Variants in TNFRSF8 observed in about 807,000 individuals in gnomAD.
TNFRSF8 encodes the protein tumor necrosis factor receptor superfamily member 8.
Under a neutral mutation model 70.8 loss-of-function variants are expected in TNFRSF8, and 26 were observed. The ratio of observed to expected loss-of-function variants is 0.37; its 90% CI spans 0.27 to 0.51. The LOEUF (loss-of-function observed/expected upper bound fraction) is 0.51. Among genes scored for constraint, TNFRSF8 ranks in the 20% least tolerant of loss-of-function variants. TNFRSF8 has a pLI of 0.94. For missense variants in TNFRSF8, 720 were observed against 807.9 expected, an observed-to-expected ratio of 0.89 and a Z score of 1.32; for synonymous variants, 356 against 339.2, an observed-to-expected ratio of 1.05 and a Z score of -0.54.
chr1:12,138,542 G>A lies in TNFRSF8; in HGVS notation c.1543+106G>A. 4 of 1,145,020 alleles carry A rather than the reference G, an allele frequency of 3.5e-6. No homozygotes were observed. Among genetic ancestry groups the A allele is most frequent in the Non-Finnish European group, 3.7e-6 (3 of 820,418 alleles). The allele number at this position is 1,145,020 out of a possible 1,614,324, so 70.9% of individuals were successfully genotyped here. A position where few individuals can be genotyped will look rare whatever the true frequency, so the allele number is the denominator to read the frequency against. ...GACCTGGAGACCCTGGAGTTGAAAG[G>A]CCCAGGAAAGGAGAGGCATAGATTC... On this transcript the variant is annotated intron_variant, in intron 14 of 14. Transcript: ENST00000263932. The surrounding 1 kb of genome is among the most constrained non-coding windows in gnomAD (Gnocchi z 5.7).
chr1:12,113,637 C>CA lies in TNFRSF8; in HGVS notation c.793+1624dup, dbSNP rs1641672853. ...AGACAGAAAGAGGGAGAGAGAGAGA[C>CA]AGAAAGAGAAAGAGACGGAGTGAGC... On this transcript the variant is annotated intron_variant, in intron 7 of 14. Transcript: ENST00000263932. The surrounding 1 kb of genome is among the most constrained non-coding windows in gnomAD (Gnocchi z 4.9). 6.8e-6 allele frequency among the ~76,000 whole-genome samples: 1 copy of CA among 147,910 alleles called. No homozygotes were observed. The highest frequency in any genetic ancestry group is 2.5e-5 in the African/African-American group (1 of 39,776).
At chr1:12,074,156 G>A (rs113399944) in intron 1 of TNFRSF8, among the ~76,000 whole-genome samples, 138 of 151,942 alleles carry the variant, frequency 9.1e-4, no homozygotes, top group African/African-American at 3.1e-3. Flanking sequence ...GACTCAAGGC[G>A]TGATCTTGCT....
chr1:12,118,861 T>C (rs1334407192), intron 8 of TNFRSF8, among the ~76,000 whole-genome samples: 1 of 152,026 alleles, frequency 6.6e-6, no homozygotes, highest in Non-Finnish European at 1.5e-5. Context: ...TTTGTTTGTT[T>C]GTTTGTTTCT....
In TNFRSF8 at chr1:12,143,671, G is replaced by T. The variant is rs772731732; in HGVS notation, c.*1140G>T. 2 of 152,286 alleles carry T rather than the reference G, an allele frequency of 1.3e-5. No individual in the cohort carries two copies. The highest frequency in any genetic ancestry group is 4.8e-5 in the African/African-American group (2 of 41,438). 9.4% of individuals were successfully genotyped at this position (152,286 alleles called of 1,614,324 possible). On this transcript the variant is annotated 3_prime_UTR_variant, in exon 15 of 15. Transcript: ENST00000263932. The surrounding 1 kb of genome is among the most constrained non-coding windows in gnomAD (Gnocchi z 4.1). ...TGGGTTTTTCACATTTCACGCTAAG[G>T]AGTAGTGGCCCTGACTTCCGGTCGG...
intron 8 of TNFRSF8, among the ~76,000 whole-genome samples, chr1:12,121,377 G>T (rs147569754): frequency 6.6e-6 from 1 of 152,350 alleles, no homozygotes; most frequent in East Asian, 1.9e-4. Flanking sequence ...GTGGGTATGT[G>T]TGTGGGGTTG....
rs952569541 is a variant in TNFRSF8, at chr1:12,108,145, C to T, written c.422-1421C>T. On this transcript the variant is annotated intron_variant, in intron 4 of 14. Transcript: ENST00000263932. The surrounding 1 kb of genome is among the most constrained non-coding windows in gnomAD (Gnocchi z 4.0). ...CCAGACTAGAGTGCAATGGTGTGAT[C>T]TCAGCTCACTGCAACCTCTGCCTCC... Among the ~76,000 whole-genome samples the T allele has an allele frequency of 4.7e-5, 7 of 150,218 alleles. No individual in the cohort carries two copies. The highest frequency in any genetic ancestry group is 1.5e-4 in the African/African-American group (6 of 40,646).
In TNFRSF8 at chr1:12,115,746, C is replaced by T. The variant is rs1019868198; in HGVS notation, c.946+17C>T. 1 of 1,612,076 alleles carries T rather than the reference C, an allele frequency of 6.2e-7. No homozygotes were observed. Among genetic ancestry groups the T allele is most frequent in the East Asian group, 2.2e-5 (1 of 44,828 alleles). ...AGCCCCAGGGTAAGCAGTTCCCACC[C>T]CAGGCCTCGACCACAGGGTGGAGTC... On this transcript the variant is annotated intron_variant, in intron 8 of 14. Transcript: ENST00000263932.
chr1:12,077,303 G>C (rs11569803), intron 1 of TNFRSF8, among the ~76,000 whole-genome samples: 2,262 of 152,216 alleles, frequency 0.015, 50 homozygotes, highest in African/African-American at 0.051. Flanking sequence ...TATCAGGGCG[G>C]GCCCAATCTA....
rs190716635 is a variant in TNFRSF8 at position 12,133,534 on chromosome 1, G to T, written c.1310-2054G>T. Reference sequence around the variant, plus strand: ...AGGCGGGTGGATCACGAGGTCAAGAGATCGAGACCAGCCTGGCCAACATGG... The same window carrying T: ...AGGCGGGTGGATCACGAGGTCAAGATATCGAGACCAGCCTGGCCAACATGG... On this transcript the variant is annotated intron_variant, in intron 12 of 14. Transcript: ENST00000263932. 6.8e-3 allele frequency among the ~76,000 whole-genome samples: 1,033 copies of T among 151,882 alleles called. 14 individuals carry two copies. Among genetic ancestry groups the T allele is most frequent in the African/African-American group, 0.024 (989 of 41,414 alleles).
chr1:12,126,093 G>A, intron 11 of TNFRSF8, 41 bp downstream of exon 11: 1 of 1,612,540 alleles, frequency 6.2e-7, no homozygotes, highest in East Asian at 2.2e-5. Flanking sequence ...AGGACAGGTT[G>A]CTCTCTGCCA....
intron 7 of TNFRSF8, among the ~76,000 whole-genome samples, chr1:12,114,694 CTTTTTTTTTTT>C (rs542462017): frequency 0.081 from 6,272 of 77,222 alleles, 273 homozygotes; most frequent in South Asian, 0.12. Context: ...GAAAAAAAAT[CTTTTTTTTTTT>C]TTTTTTTTTT....
chr1:12,126,264 G>A (rs1003537625), intron 12 of TNFRSF8, 28 bp downstream of exon 12: 2 of 1,613,872 alleles, frequency 1.2e-6, no homozygotes, highest in Non-Finnish European at 1.7e-6. Flanking sequence ...CAAAGGGGCT[G>A]CCCGAGCCAG....
intron 1 of TNFRSF8, among the ~76,000 whole-genome samples, chr1:12,067,526 TA>T (rs1216918850): frequency 2.0e-5 from 3 of 152,080 alleles, no homozygotes; most frequent in Admixed American, 6.6e-5. Flanking sequence ...CTGTCTCTAC[TA>T]AAAATACAAA....
At position 12,113,938 on chromosome 1, in the gene TNFRSF8, G is replaced by T. The variant is rs1641679686; in HGVS notation, c.794-1639G>T. On this transcript the variant is annotated intron_variant, in intron 7 of 14. Coordinates refer to ENST00000263932, the MANE Select transcript of TNFRSF8 (RefSeq NM_001243.5). This position sits in a 1 kb window ranked among gnomAD's most constrained non-coding sequence, Gnocchi z 4.9. ...ACTTCTTGACAGGTAGGTGGCAAAG[G>T]CTCTGGAAGGGCCAGAACATCACTG... Among the ~76,000 whole-genome samples, 1 of 152,194 alleles carries T rather than the reference G, an allele frequency of 6.6e-6. No homozygotes were observed. Among genetic ancestry groups the T allele is most frequent in the Non-Finnish European group, 1.5e-5 (1 of 68,046 alleles).
At chr1:12,079,375 C>T (rs1194633246) in intron 1 of TNFRSF8, among the ~76,000 whole-genome samples, 2 of 152,180 alleles carry the variant, frequency 1.3e-5, no homozygotes, top group Non-Finnish European at 2.9e-5. Context: ...CCAAAAGCCC[C>T]CCCTCCAGTC....
chr1:12,111,464 G>A (rs553405706), intron 6 of TNFRSF8, among the ~76,000 whole-genome samples: 53 of 152,232 alleles, frequency 3.5e-4, no homozygotes, highest in South Asian at 6.2e-4. Flanking sequence ...TTACAGACGT[G>A]AGCCACCGCG....
chr1:12,097,154 T>C lies in TNFRSF8; in HGVS notation c.205T>C (p.Cys69Arg). Reference protein sequence around the residue: ...PQRPTDCRKQCEPDYYLDEAD... With the variant: ...PQRPTDCRKQREPDYYLDEAD... ...GAGGCCTACTGACTGCAGGAAGCAG[T>C]GTGAGCCTGACTACTACCTGGATGA... Residue 69 changes from cysteine to arginine, a missense_variant, in exon 3 of 15, where the codon TGT (cysteine) becomes CGT (arginine). Coordinates refer to ENST00000263932, the MANE Select transcript of TNFRSF8 (RefSeq NM_001243.5). 1 of 1,614,082 alleles carries C rather than the reference T, an allele frequency of 6.2e-7. No homozygotes were observed. Among genetic ancestry groups the C allele is most frequent in the Non-Finnish European group, 8.5e-7 (1 of 1,179,978 alleles).
chr1:12,110,018 C>T lies in TNFRSF8; in HGVS notation c.513-23C>T, dbSNP rs1641598836. The T allele has an allele frequency of 1.2e-6, 2 of 1,609,120 alleles. No homozygotes were observed. Among genetic ancestry groups the T allele is most frequent in the South Asian group, 2.2e-5 (2 of 90,274 alleles). On this transcript the variant is annotated intron_variant, in intron 5 of 14. Coordinates refer to ENST00000263932, the MANE Select transcript of TNFRSF8 (RefSeq NM_001243.5). This position sits in a 1 kb window ranked among gnomAD's most constrained non-coding sequence, Gnocchi z 4.0. Reference sequence around the variant, plus strand: ...TTGCCCCATTGGCAGAATTATCAGTCCCATCTCTGGCTTCTTCCCCAGTGG... The same window carrying T: ...TTGCCCCATTGGCAGAATTATCAGTTCCATCTCTGGCTTCTTCCCCAGTGG...
chr1:12,099,037 T>C (rs1311686632), intron 3 of TNFRSF8, among the ~76,000 whole-genome samples: 2 of 152,252 alleles, frequency 1.3e-5, no homozygotes, highest in Non-Finnish European at 2.9e-5. Flanking sequence ...CTTTGATTCA[T>C]CATTTGAGTG....
Sources: gnomAD v4.1 joint callset for allele counts (sites outside exome capture counted in the v4.1 genomes callset) on GRCh38, gnomAD v4.1.1 for gene constraint, Gnocchi (gnomAD v3.1) non-coding constraint, MANE v1.5 for transcripts, NCBI Gene and HGNC (gene_info 2026-07-23, HGNC 2026-07-21) for gene names.